The following TLE2 variants were observed in gnomAD, a reference collection of about 807,000 sequenced individuals.
TLE2 encodes TLE family member 2, transcriptional corepressor.
TLE2 carries 74 observed loss-of-function variants against 97.2 expected under a neutral mutation model. That is an observed-to-expected ratio of 0.76 (90% confidence interval 0.63 to 0.92). The LOEUF is 0.92. TLE2 is among the 40% of genes least tolerant of loss of function. TLE2 has a pLI of 0.00. For missense variants in TLE2, 1,038 were observed against 1,008.7 expected (o/e 1.03, Z -0.39); for synonymous variants, 499 against 432.1 (o/e 1.15, Z -1.92).
intron 1 of TLE2, among the ~76,000 whole-genome samples, chr19:3,041,904 G>T (rs2090105946): frequency 7.0e-6 from 1 of 143,508 alleles, no homozygotes; most frequent in Non-Finnish European, 1.5e-5. Context: ...CCAGCTGGGA[G>T]CTCTGTGGCT....
intron 5 of TLE2, among the ~76,000 whole-genome samples, chr19:3,022,650 A>G (rs1363377746): frequency 6.6e-6 from 1 of 152,192 alleles, no homozygotes; most frequent in Non-Finnish European, 1.5e-5. Context: ...GAACAGTAGT[A>G]TATTCCACTG....
chr19:3,042,090 G>GGGGGAGCGCAGGGAGCGT (rs1555695773), intron 1 of TLE2, among the ~76,000 whole-genome samples: 3 of 151,306 alleles, frequency 2.0e-5, no homozygotes, highest in African/African-American at 7.3e-5. Flanking sequence ...GCGGGGAGTA[G>GGGGGAGCGCAGGGAGCGT]GGGGAGCGCA....
chr19:3,008,757 A>T, intron 14 of TLE2, 112 bp downstream of exon 14: 1 of 842,174 alleles, frequency 1.2e-6, no homozygotes, highest in Non-Finnish European at 1.7e-6. Flanking sequence ...GGCCCACACA[A>T]GAGACTTTCT....
intron 10 of TLE2, 55 bp downstream of exon 10, chr19:3,014,515 C>T: frequency 2.0e-6 from 3 of 1,466,194 alleles, no homozygotes; most frequent in African/African-American, 2.9e-5. Flanking sequence ...GTCCAGAAAA[C>T]CCACCCCTTG....
At chr19:3,030,811 G>T (rs1599250108), upstream of TLE2, among the ~76,000 whole-genome samples, 4 of 151,908 alleles carry the variant, frequency 2.6e-5, no homozygotes, top group East Asian at 7.7e-4. Flanking sequence ...AATTAGCCAG[G>T]CATGGTGATG....
At chr19:3,046,574 C>A (rs1025950706), upstream of TLE2, among the ~76,000 whole-genome samples, 5 of 151,286 alleles carry the variant, frequency 3.3e-5, no homozygotes, top group African/African-American at 9.7e-5. Context: ...GACAGACACC[C>A]CCCCACCCCC....
rs1385936017 is a variant in TLE2, at chr19:3,028,701, C to G, written c.122+5G>C. ...TCCCGCGGCCCCTGGGGCGGCCCCC[C>G]TCACCTGTGGTATTGAGCCTGAAGA... On this transcript the variant is annotated splice_donor_5th_base_variant and intron_variant, in intron 2 of 19. Transcript: ENST00000262953. 4 of 1,612,806 alleles carry G rather than the reference C, an allele frequency of 2.5e-6. No homozygotes were observed. The highest frequency in any genetic ancestry group is 3.4e-6 in the Non-Finnish European group (4 of 1,179,786).
rs1058723 is a variant in TLE2, at chr19:2,997,729, G to A, written c.*119C>T. On this transcript the variant is annotated 3_prime_UTR_variant, in exon 20 of 20. Coordinates refer to ENST00000262953, the MANE Select transcript of TLE2 (RefSeq NM_003260.5). The stretch of plus-strand genomic sequence containing the variant: ...GGGGAAGGTGTGAAGCCGTTGGCCA[G>A]AGAGCAGATGGGATGTACGGTTCCT... 9.8e-5 allele frequency: 70 copies of A among 711,952 alleles called. No homozygotes were observed. In the African/African-American group the frequency reaches 1.1e-3, roughly 12 times the overall value. The allele number at this position is 711,952 out of a possible 1,614,324, so 44.1% of individuals were successfully genotyped here.
intron 19 of TLE2, among the ~76,000 whole-genome samples, chr19:3,000,445 C>T (rs1418338712): frequency 2.0e-5 from 3 of 151,988 alleles, no homozygotes; most frequent in Non-Finnish European, 4.4e-5. Context: ...CAACAGGCTA[C>T]GGGCAGATGA....
chr19:3,018,647 C>T (rs1157487770), intron 7 of TLE2, among the ~76,000 whole-genome samples: 1 of 149,886 alleles, frequency 6.7e-6, no homozygotes, highest in Non-Finnish European at 1.5e-5. Flanking sequence ...CAGAGTCTCA[C>T]TCTCTCACTC....
At chr19:3,037,566 C>A (rs1054618598) in intron 1 of TLE2, among the ~76,000 whole-genome samples, 7 of 152,178 alleles carry the variant, frequency 4.6e-5, no homozygotes, top group Non-Finnish European at 1.0e-4. Flanking sequence ...GCCCCTGTGC[C>A]TACTTTCGCA....
chr19:3,028,694 G>A lies in TLE2; in HGVS notation c.122+12C>T, dbSNP rs771706784. ...GGTGAACTCCCGCGGCCCCTGGGGC[G>A]GCCCCCCTCACCTGTGGTATTGAGC... On this transcript the variant is annotated intron_variant, in intron 2 of 19. Coordinates refer to ENST00000262953, the MANE Select transcript of TLE2 (RefSeq NM_003260.5). 3 of 1,612,304 alleles carry A rather than the reference G, an allele frequency of 1.9e-6. No individual in the cohort carries two copies. In the Admixed American group the frequency reaches 5.0e-5, roughly 27 times the overall value.
intron 13 of TLE2, 79 bp from the exon 14 acceptor site, chr19:3,009,024 AC>A: frequency 8.4e-7 from 1 of 1,184,554 alleles, no homozygotes; most frequent in Non-Finnish European, 1.2e-6. Flanking sequence ...CACCTGCCAT[AC>A]CCCTCTCTGT....
intron 1 of TLE2, among the ~76,000 whole-genome samples, chr19:3,043,470 C>T: frequency 6.6e-6 from 1 of 151,502 alleles, no homozygotes; most frequent in African/African-American, 2.4e-5. Flanking sequence ...AGCCACCGCG[C>T]CATGCCTGGC....
At chr19:3,035,455 C>G (rs561831416) in intron 1 of TLE2, among the ~76,000 whole-genome samples, 1 of 152,086 alleles carries the variant, frequency 6.6e-6, no homozygotes, top group African/African-American at 2.4e-5. Context: ...GCTCAGCCGC[C>G]GATCTCCCCC....
intron 1 of TLE2, among the ~76,000 whole-genome samples, chr19:3,037,332 G>A (rs1168889680): frequency 6.6e-6 from 1 of 152,206 alleles, no homozygotes; most frequent in East Asian, 1.9e-4. Flanking sequence ...TTGGGTTTCG[G>A]TATTTAAGCT....
At position 3,009,702 on chromosome 19, in the gene TLE2, G is replaced by A; in HGVS notation, c.1013C>T (p.Ala338Val). 1 of 1,609,562 alleles carries A rather than the reference G, an allele frequency of 6.2e-7. No homozygotes were observed. Among genetic ancestry groups the A allele is most frequent in the Non-Finnish European group, 8.5e-7 (1 of 1,178,246 alleles). ...AKPAPSTDSV[A>V]LRSPLTLSSP... Reference sequence around the variant, plus strand: ...GGACAGAGTCAGGGGGCTCCTCAGGGCTGAGACGGAAGAGTCGGGGACAGG... The same window carrying A: ...GGACAGAGTCAGGGGGCTCCTCAGGACTGAGACGGAAGAGTCGGGGACAGG... The change falls in exon 13 of 20, where the codon GCC (alanine) becomes GTC (valine). Residue 338 changes from alanine (A) to valine (V), a missense_variant and splice_region_variant. Coordinates refer to ENST00000262953, the MANE Select transcript of TLE2 (RefSeq NM_003260.5).
chr19:3,005,685 G>C (rs200595351), intron 16 of TLE2, 36 bp downstream of exon 16: 27 of 1,608,236 alleles, frequency 1.7e-5, no homozygotes, highest in African/African-American at 2.7e-5. Flanking sequence ...GAGCGGCCGG[G>C]GGCTTGCCCA....
At chr19:3,036,347 GCCCGTCGCCTCCCT>G (rs2090062457) in intron 1 of TLE2, among the ~76,000 whole-genome samples, 1 of 152,190 alleles carries the variant, frequency 6.6e-6, no homozygotes, top group African/African-American at 2.4e-5. Flanking sequence ...GCGCTCTCCC[GCCCGTCGCCTCCCT>G]CCCGCCAGCT....
Sources: gnomAD v4.1 joint callset for allele counts (sites outside exome capture counted in the v4.1 genomes callset) on GRCh38, gnomAD v4.1.1 for gene constraint, MANE v1.5 for transcripts, NCBI Gene and HGNC (gene_info 2026-07-23, HGNC 2026-07-21) for gene names.